The following VWF variants were observed in gnomAD, a reference collection of about 807,000 sequenced individuals.
VWF encodes Factor VIII related antigen.
A neutral mutation model predicts 308.6 loss-of-function variants in VWF; 176 were observed. That is an observed-to-expected ratio of 0.57 (90% CI 0.50 to 0.65). The LOEUF (loss-of-function observed/expected upper bound fraction) is 0.65. Ranked by LOEUF, VWF falls within the 30% of genes least tolerant of loss-of-function variation. VWF has a pLI of 0.00. For synonymous variants in VWF, 1,385 were observed against 1,443.4 expected (o/e 0.96, Z 0.92); for missense variants, 3,146 against 3,648.2 (o/e 0.86, Z 3.55).
chr12:6,031,792 G>A (rs1944266862), intron 20 of VWF, among the ~76,000 whole-genome samples: 1 of 149,698 alleles, frequency 6.7e-6, no homozygotes, highest in African/African-American at 2.5e-5. Flanking sequence ...CACGACAGAT[G>A]AGCCAGGTGC....
At chr12:6,029,593 T>C in intron 21 of VWF, 105 bp from the exon 22 acceptor site, 2 of 1,437,714 alleles carry the variant, frequency 1.4e-6, no homozygotes, top group South Asian at 1.2e-5. Flanking sequence ...TGCCCACGAG[T>C]GCAGGCACTG....
chr12:6,103,406 GTA>G (rs1209902375), intron 5 of VWF, among the ~76,000 whole-genome samples: 1 of 115,940 alleles, frequency 8.6e-6, no homozygotes, highest in Non-Finnish European at 1.6e-5. Context: ...ACACGTGTGT[GTA>G]TACACACGTG....
At chr12:6,042,770 AT>A (rs951629849) in intron 18 of VWF, among the ~76,000 whole-genome samples, 3 of 152,232 alleles carry the variant, frequency 2.0e-5, no homozygotes, top group African/African-American at 7.2e-5. Flanking sequence ...GGGTCATAAT[AT>A]AATTATTGTG....
intron 6 of VWF, among the ~76,000 whole-genome samples, chr12:6,076,360 A>T (rs996960841): frequency 6.6e-6 from 1 of 152,166 alleles, no homozygotes; most frequent in African/African-American, 2.4e-5. Context: ...TTTTTCCCAC[A>T]GTGTAACATC....
At chr12:5,991,772 C>G in intron 38 of VWF, 47 bp downstream of exon 38, 1 of 1,598,196 alleles carries the variant, frequency 6.3e-7, no homozygotes. Flanking sequence ...CCCTTTTGAC[C>G]CAAGAGGGAA....
At chr12:6,011,959 C>T (rs55804572) in intron 33 of VWF, 128 bp downstream of exon 33, 28 of 1,359,748 alleles carry the variant, frequency 2.1e-5, no homozygotes, top group African/African-American at 2.9e-5. Flanking sequence ...CAGATGGACC[C>T]GCAAAAACAA....
At chr12:6,083,682 T>G (rs1944938754) in intron 6 of VWF, among the ~76,000 whole-genome samples, 1 of 152,214 alleles carries the variant, frequency 6.6e-6, no homozygotes, top group South Asian at 2.1e-4. Context: ...TCTCCCCTTC[T>G]TAGTCACAGA....
At chr12:5,950,246 A>C (rs1237638833) in intron 50 of VWF, among the ~76,000 whole-genome samples, 5 of 152,220 alleles carry the variant, frequency 3.3e-5, no homozygotes, top group African/African-American at 1.2e-4. Context: ...TTCAGAAGCT[A>C]ATGGGCAATG....
rs1944450519 is a variant in VWF, at chr12:6,046,747, G to A, written c.2257C>T (p.Leu753Phe). The A allele has an allele frequency of 6.2e-7, 1 of 1,614,074 alleles. No homozygotes were observed. Among genetic ancestry groups the A allele is most frequent in the Admixed American group, 1.7e-5 (1 of 60,008 alleles). ...CTGCGATGAGACAGGGGACTGCTGA[G>A]GACAGCGTCAGGCAGCAAGCTTCCG... ...VPGSLLPDAVLSSPLSHRSKR... is the reference protein window; with the variant it reads ...VPGSLLPDAVFSSPLSHRSKR... Residue 753 changes from leucine to phenylalanine, a missense_variant, in exon 17 of 52, where the codon CTC becomes TTC. Transcript: ENST00000261405. This position sits in a 1 kb window ranked among gnomAD's most constrained non-coding sequence, Gnocchi z 5.0.
At chr12:5,963,994 T>G (rs1943349073) in intron 47 of VWF, among the ~76,000 whole-genome samples, 2 of 151,828 alleles carry the variant, frequency 1.3e-5, no homozygotes, top group South Asian at 2.1e-4. Context: ...GATCACGAGG[T>G]CAGGAGATTG....
chr12:6,032,422 G>A (rs28630679), intron 20 of VWF, among the ~76,000 whole-genome samples: 5 of 144,746 alleles, frequency 3.5e-5, no homozygotes, highest in Non-Finnish European at 5.9e-5. Context: ...GGCGGATCAC[G>A]AGGTCAGGAG....
At chr12:6,117,423 C>T (rs1461845974) in intron 3 of VWF, among the ~76,000 whole-genome samples, 1 of 152,312 alleles carries the variant, frequency 6.6e-6, no homozygotes, top group East Asian at 1.9e-4. Context: ...TGCCTGGGGG[C>T]CCAGCAGCCC....
intron 18 of VWF, among the ~76,000 whole-genome samples, chr12:6,041,247 C>T (rs1391189608): frequency 2.6e-5 from 4 of 151,688 alleles, no homozygotes; most frequent in African/African-American, 4.8e-5. Flanking sequence ...CTGGCCAACA[C>T]GGCAAAACCC....
rs71581023 is a variant in VWF, at chr12:5,982,167, A to G, written c.7082-176T>C. ...GTTACCAAAAGCAGTCCATCTGCAGAAAAATATGAACATTAATCAAAAAGG... is the reference window on the plus strand; with the variant it reads ...GTTACCAAAAGCAGTCCATCTGCAGGAAAATATGAACATTAATCAAAAAGG... On this transcript the variant is annotated intron_variant, in intron 41 of 51. Coordinates refer to ENST00000261405, the MANE Select transcript of VWF (RefSeq NM_000552.5). Among the ~76,000 whole-genome samples, 1,135 of 152,338 alleles carry G rather than the reference A, an allele frequency of 7.5e-3. 13 individuals carry two copies. The highest frequency in any genetic ancestry group is 0.042 in the South Asian group (205 of 4,826).
At chr12:5,969,901 A>C (rs187396530) in intron 44 of VWF, among the ~76,000 whole-genome samples, 12 of 152,268 alleles carry the variant, frequency 7.9e-5, no homozygotes, top group Admixed American at 5.2e-4. Flanking sequence ...ACGGGCAAGA[A>C]GCTGAAAGGG....
rs1460341563 is a variant in VWF at position 5,949,897 on chromosome 12, G to A, written c.8156-14C>T. On this transcript the variant is annotated splice_polypyrimidine_tract_variant and intron_variant, in intron 50 of 51. Coordinates refer to ENST00000261405, the MANE Select transcript of VWF (RefSeq NM_000552.5). ...CAGGCTCCTCACCTACAGGACAGGT[G>A]AGAGATGAAACTTGAGGACTGGCTG... 5 of 1,611,336 alleles carry A rather than the reference G, an allele frequency of 3.1e-6. No individual in the cohort carries two copies. Among genetic ancestry groups the A allele is most frequent in the Non-Finnish European group, 4.2e-6 (5 of 1,179,592 alleles).
intron 20 of VWF, among the ~76,000 whole-genome samples, chr12:6,033,050 G>A (rs1369372634): frequency 6.6e-6 from 1 of 152,028 alleles, no homozygotes; most frequent in African/African-American, 2.4e-5. Flanking sequence ...ATACACACAT[G>A]CACACATACA....
chr12:6,010,986 A>G (rs1238880012), intron 34 of VWF, among the ~76,000 whole-genome samples: 1 of 152,200 alleles, frequency 6.6e-6, no homozygotes, highest in Non-Finnish European at 1.5e-5. Context: ...CACTAAATAA[A>G]TTCTAAAGGG....
At chr12:6,077,511 C>A (rs2239152) in intron 6 of VWF, among the ~76,000 whole-genome samples, 81,278 of 151,718 alleles carry the variant, frequency 0.54, 23,202 homozygotes, top group African/African-American at 0.74. Flanking sequence ...ATGGCTATGA[C>A]AAGCCTAGGC....
Sources: allele counts gnomAD v4.1 joint callset (sites outside exome capture counted in the v4.1 genomes callset), GRCh38; gene constraint gnomAD v4.1.1; non-coding constraint Gnocchi (gnomAD v3.1); transcripts MANE v1.5; gene names NCBI Gene and HGNC (gene_info 2026-07-23, HGNC 2026-07-21).